Variants in DOCK4 observed in about 807,000 individuals in gnomAD.
DOCK4 encodes the protein dedicator of cytokinesis protein 4.
DOCK4 carries 97 observed loss-of-function variants against 268.1 expected under a neutral mutation model. The observed-to-expected ratio is 0.36, with a 90% confidence interval of 0.31 to 0.43. The LOEUF (loss-of-function observed/expected upper bound fraction) is 0.43. Ranked by LOEUF, DOCK4 falls within the 20% of genes least tolerant of loss-of-function variation. The pLI is 1.00. For missense variants in DOCK4, 2,145 were observed against 2,455.7 expected (o/e 0.87, Z 2.67); for synonymous variants, 954 against 887.2 (o/e 1.08, Z -1.34).
At chr7:112,128,890 G>A (rs2428458) in intron 1 of DOCK4, among the ~76,000 whole-genome samples, 1 of 151,626 alleles carries the variant, frequency 6.6e-6, no homozygotes, top group Admixed American at 6.6e-5. Flanking sequence ...CCCTCTGCGA[G>A]AAACACCCAA....
At position 111,886,280 on chromosome 7, in the gene DOCK4, T is replaced by G. The variant is rs575792840; in HGVS notation, c.1588-9094A>C. Among the ~76,000 whole-genome samples, 7 of 152,326 alleles carry G rather than the reference T, an allele frequency of 4.6e-5. No individual in the cohort carries two copies. The East Asian group carries it at 1.4e-3, about 29-fold the overall frequency. ...AATAGTTTTTGGAGGAAAATACCTT[T>G]CTTTGGGGAACTTTTTCAAAATGAG... is the stretch of plus-strand genomic sequence containing the variant. On this transcript the variant is annotated intron_variant, in intron 16 of 52. Coordinates refer to ENST00000428084, the MANE Select transcript of DOCK4 (RefSeq NM_001363540.2).
At chr7:111,990,227 C>A (rs1799415066) in intron 5 of DOCK4, among the ~76,000 whole-genome samples, 1 of 152,126 alleles carries the variant, frequency 6.6e-6, no homozygotes, top group African/African-American at 2.4e-5. Context: ...TGGGCTTGGT[C>A]CAGAATGAGC....
chr7:111,835,924 G>A (rs1332857869), intron 25 of DOCK4, among the ~76,000 whole-genome samples: 2 of 152,074 alleles, frequency 1.3e-5, no homozygotes, highest in Admixed American at 6.6e-5. Context: ...ACACAGGTAT[G>A]ACAAATAATT....
intron 1 of DOCK4, among the ~76,000 whole-genome samples, chr7:112,066,975 T>C (rs1807124850): frequency 6.8e-6 from 1 of 147,054 alleles, no homozygotes; most frequent in South Asian, 2.1e-4. Flanking sequence ...CAAAACCCCG[T>C]CTCCACACAC....
intron 42 of DOCK4, 144 bp from the exon 43 acceptor site, chr7:111,747,587 C>A: frequency 1.3e-6 from 1 of 784,878 alleles, no homozygotes; most frequent in South Asian, 2.0e-5. Flanking sequence ...GTAGAATAGA[C>A]AAGGATGTGG....
intron 1 of DOCK4, among the ~76,000 whole-genome samples, chr7:112,029,424 T>C (rs1803084594): frequency 6.6e-6 from 1 of 152,088 alleles, no homozygotes; most frequent in African/African-American, 2.4e-5. Context: ...AAAATGAAAA[T>C]CCTAAACAGC....
chr7:111,752,335 G>C (rs1370298608), intron 42 of DOCK4, among the ~76,000 whole-genome samples: 6 of 152,032 alleles, frequency 3.9e-5, no homozygotes, highest in African/African-American at 1.5e-4. Flanking sequence ...AGGGATAAGG[G>C]GGAAAGCAAA....
Position 111,977,248 on chromosome 7 carries a change from C to A in DOCK4, c.585G>T (p.Val195=). The change falls in exon 8 of 53, where the codon GTG becomes GTT. Residue 195 remains valine (V), a synonymous_variant. Transcript: ENST00000428084. ...CAAAGAGGTGGTGACTGCTGGCCTG[C>A]ACCGGGGTGTCTTTCTTCCGATGTC... The part of the protein sequence containing the change: ...EHRHRKKDTP[V]QASSHHLFVQ... 6.2e-7 allele frequency: 1 copy of A among 1,607,794 alleles called. No homozygotes were observed. The highest frequency in any genetic ancestry group is 8.5e-7 in the Non-Finnish European group (1 of 1,177,012).
chr7:111,900,357 T>C lies in DOCK4; in HGVS notation c.1480+17A>G, dbSNP rs1791031717. On this transcript the variant is annotated intron_variant, in intron 15 of 52. Coordinates refer to ENST00000428084, the MANE Select transcript of DOCK4 (RefSeq NM_001363540.2). Reference sequence around the variant, plus strand: ...CAGCACAATAGACACAGGTAGCCAATGCCACCAAACACTTACTGGAACAAT... The same window carrying C: ...CAGCACAATAGACACAGGTAGCCAACGCCACCAAACACTTACTGGAACAAT... 6.2e-7 allele frequency: 1 copy of C among 1,610,484 alleles called. No homozygotes were observed. The highest frequency in any genetic ancestry group is 8.5e-7 in the Non-Finnish European group (1 of 1,178,282).
intron 12 of DOCK4, among the ~76,000 whole-genome samples, chr7:111,924,332 T>A (rs886440954): frequency 8.5e-5 from 13 of 152,262 alleles, no homozygotes; most frequent in Admixed American, 6.5e-4. Flanking sequence ...GGTTACACAT[T>A]TACTTTTTTT....
chr7:112,193,935 C>T (rs1320607954), intron 1 of DOCK4, among the ~76,000 whole-genome samples: 1 of 152,018 alleles, frequency 6.6e-6, no homozygotes. Flanking sequence ...GGCCCTTTCT[C>T]ATGCTACCTA....
intron 14 of DOCK4, 93 bp from the exon 15 acceptor site, chr7:111,900,629 C>G: frequency 1.5e-6 from 2 of 1,312,998 alleles, no homozygotes; most frequent in Non-Finnish European, 2.1e-6. Context: ...CTGCCTGCCT[C>G]TCAAATAGCA....
At chr7:111,975,983 G>C (rs1204021147) in intron 8 of DOCK4, among the ~76,000 whole-genome samples, 1 of 149,886 alleles carries the variant, frequency 6.7e-6, no homozygotes, top group East Asian at 2.0e-4. Context: ...GGCCAACATG[G>C]TGAAACCGCA....
chr7:111,912,961 A>G (rs1029410406), intron 13 of DOCK4, among the ~76,000 whole-genome samples: 1 of 151,784 alleles, frequency 6.6e-6, no homozygotes, highest in Non-Finnish European at 1.5e-5. Flanking sequence ...AGAGCATAGA[A>G]ATTTCCTTTT....
At chr7:112,055,657 C>T (rs1021448532) in intron 1 of DOCK4, among the ~76,000 whole-genome samples, 13 of 152,248 alleles carry the variant, frequency 8.5e-5, no homozygotes, top group African/African-American at 2.9e-4. Flanking sequence ...CCTATAATCC[C>T]AGCACTCTGG....
At position 112,174,777 on chromosome 7, in the gene DOCK4, C is replaced by T. The variant is rs144111569; in HGVS notation, c.37+31325G>A. Among the ~76,000 whole-genome samples, 18 of 152,192 alleles carry T rather than the reference C, an allele frequency of 1.2e-4. No homozygotes were observed. In the East Asian group the frequency reaches 2.1e-3, roughly 18 times the overall value. On this transcript the variant is annotated intron_variant, in intron 1 of 52. Transcript: ENST00000428084. ...CATCCAATTTTAAGGCTCTGTCTCACGTCCATATTCTACTCCCAGATGACT... is the reference window on the plus strand; with the variant it reads ...CATCCAATTTTAAGGCTCTGTCTCATGTCCATATTCTACTCCCAGATGACT...
intron 34 of DOCK4, 37 bp downstream of exon 34, chr7:111,783,820 T>G (rs751138010): frequency 1.3e-5 from 20 of 1,529,630 alleles, no homozygotes; most frequent in Admixed American, 1.9e-5. Flanking sequence ...GAGTTCAGCA[T>G]GAACTGGAGT....
intron 11 of DOCK4, among the ~76,000 whole-genome samples, chr7:111,937,327 G>A (rs1287171352): frequency 6.6e-6 from 1 of 152,094 alleles, no homozygotes; most frequent in South Asian, 2.1e-4. Flanking sequence ...GTTTTGACTG[G>A]TTAGTATTAC....
intron 8 of DOCK4, chr7:111,971,834 C>T (rs141663864): frequency 3.7e-5 from 11 of 293,486 alleles, no homozygotes; most frequent in African/African-American, 1.4e-4. Flanking sequence ...CCTGATATAG[C>T]GGGGCCATTT....
Sources: allele counts gnomAD v4.1 joint callset (sites outside exome capture counted in the v4.1 genomes callset), GRCh38; gene constraint gnomAD v4.1.1; transcripts MANE v1.5; gene names NCBI Gene and HGNC (gene_info 2026-07-23, HGNC 2026-07-21).